COL27A1: variants seen among roughly 807,000 people sequenced by gnomAD.
The protein encoded by COL27A1 is collagen type XXVII alpha 1 chain, also known as collagen alpha-1(XXVII) chain.
In COL27A1, 106 loss-of-function variants were observed where a neutral mutation model predicts 251.3. The ratio of observed to expected loss-of-function variants is 0.42; its 90% CI spans 0.36 to 0.50. The LOEUF (loss-of-function observed/expected upper bound fraction) is 0.50, where lower values mean the gene tolerates loss of function less well. Ranked by LOEUF, COL27A1 falls within the 20% of genes least tolerant of loss-of-function variation. The pLI, the probability that COL27A1 is intolerant of heterozygous loss-of-function variation, is 0.00. For missense variants in COL27A1, 2,325 were observed against 2,522.8 expected (o/e 0.92, Z 1.68); for synonymous variants, 1,000 against 986.3 (o/e 1.01, Z -0.26).
chr9:114,293,004 G>T (rs1564579630), intron 49 of COL27A1, among the ~76,000 whole-genome samples: 1 of 152,132 alleles, frequency 6.6e-6, no homozygotes, highest in South Asian at 2.1e-4. Flanking sequence ...TATACTCAAG[G>T]ATTTCAATAT....
intron 3 of COL27A1, among the ~76,000 whole-genome samples, chr9:114,171,469 CTTT>C (rs10708471): frequency 1.4e-5 from 2 of 147,496 alleles, no homozygotes; most frequent in African/African-American, 5.0e-5. Context: ...GAATCTTTTT[CTTT>C]TTTTTTTTAG....
chr9:114,178,541 C>T lies in COL27A1; in HGVS notation c.1962+197C>T, dbSNP rs201890855. ...TATGGACAGATATGGCATGGAACAGCAATGACCTCTTGTAGGTCTCAGTTG... is the reference window on the plus strand; with the variant it reads ...TATGGACAGATATGGCATGGAACAGTAATGACCTCTTGTAGGTCTCAGTTG... On this transcript the variant is annotated intron_variant, in intron 4 of 60. Coordinates refer to ENST00000356083, the MANE Select transcript of COL27A1 (RefSeq NM_032888.4). Among the ~76,000 whole-genome samples the T allele has an allele frequency of 2.6e-5, 4 of 152,284 alleles. No homozygotes were observed. In the East Asian group the frequency reaches 5.8e-4, roughly 22 times the overall value.
At chr9:114,263,829 G>A (rs114163669) in intron 28 of COL27A1, among the ~76,000 whole-genome samples, 1,777 of 152,266 alleles carry the variant, frequency 0.012, 24 homozygotes, top group African/African-American at 0.04. Flanking sequence ...CTTCCTCTGT[G>A]AGCTGGGCTG....
At chr9:114,164,715 G>A (rs1047855592) in intron 2 of COL27A1, among the ~76,000 whole-genome samples, 1 of 152,188 alleles carries the variant, frequency 6.6e-6, no homozygotes, top group Admixed American at 6.5e-5. Flanking sequence ...AGTCTATAGT[G>A]AATAATAGTG....
intron 12 of COL27A1, among the ~76,000 whole-genome samples, chr9:114,217,322 T>A (rs1373962457): frequency 6.6e-6 from 1 of 152,194 alleles, no homozygotes; most frequent in Non-Finnish European, 1.5e-5. Flanking sequence ...ACCCTTCATG[T>A]GGCATCTCAG....
At chr9:114,223,170 A>G (rs775981592) in intron 14 of COL27A1, among the ~76,000 whole-genome samples, 27 of 152,144 alleles carry the variant, frequency 1.8e-4, no homozygotes, top group Non-Finnish European at 2.6e-4. Flanking sequence ...AGCCTGGGAA[A>G]TGACACTCCA....
At chr9:114,231,177 G>A (rs1398615874) in intron 15 of COL27A1, 45 bp downstream of exon 15, 1 of 1,581,816 alleles carries the variant, frequency 6.3e-7, no homozygotes, top group East Asian at 2.2e-5. Flanking sequence ...TCCAAGCTGG[G>A]CACCCCCGAC....
intron 6 of COL27A1, among the ~76,000 whole-genome samples, chr9:114,194,843 C>T (rs1473007067): frequency 6.6e-6 from 1 of 152,216 alleles, no homozygotes; most frequent in African/African-American, 2.4e-5. Context: ...CCAATAGACA[C>T]TCAAAGCCTT....
intron 55 of COL27A1, among the ~76,000 whole-genome samples, 175 bp from the exon 56 acceptor site, chr9:114,301,907 C>T (rs565377078): frequency 6.6e-6 from 1 of 152,256 alleles, no homozygotes; most frequent in South Asian, 2.1e-4. Context: ...CACCTAGGGG[C>T]CAGGCCTCCA....
At chr9:114,286,926 C>A (rs781508087) in intron 41 of COL27A1, among the ~76,000 whole-genome samples, 5 of 152,112 alleles carry the variant, frequency 3.3e-5, no homozygotes, top group African/African-American at 7.2e-5. Context: ...CTGTGCAGAT[C>A]GGATGAAACA....
intron 33 of COL27A1, 70 bp downstream of exon 33, chr9:114,266,688 C>T (rs35380914): frequency 0.074 from 102,006 of 1,380,998 alleles, 4,774 homozygotes; most frequent in East Asian, 0.18. Context: ...CTTCCCTCCT[C>T]CCCAGGAGCC....
At chr9:114,176,912 T>C (rs748495795) in intron 3 of COL27A1, among the ~76,000 whole-genome samples, 1 of 152,222 alleles carries the variant, frequency 6.6e-6, no homozygotes, top group Non-Finnish European at 1.5e-5. Flanking sequence ...GCATGAGATC[T>C]GGATTAATTA....
At chr9:114,194,572 T>C (rs1828976923) in intron 6 of COL27A1, 115 bp downstream of exon 6, 6 of 904,670 alleles carry the variant, frequency 6.6e-6, no homozygotes, top group Non-Finnish European at 1.1e-5. Context: ...GGCAGGGAGG[T>C]GGGAACATCT....
At position 114,275,779 on chromosome 9, in the gene COL27A1, A is replaced by C; in HGVS notation, c.3717+11A>C. ...GTCACTGGTGTCCGGGTGAGTGTGC[A>C]GGCCCCTTGCAGCGCCTGGAGCTCT... is the stretch of plus-strand genomic sequence containing the variant. On this transcript the variant is annotated intron_variant, in intron 37 of 60. Transcript: ENST00000356083. The C allele has an allele frequency of 6.6e-7, 1 of 1,524,006 alleles. No homozygotes were observed. The highest frequency in any genetic ancestry group is 2.5e-5 in the East Asian group (1 of 40,562). 94.4% of individuals were successfully genotyped at this position (1,524,006 alleles called of 1,614,324 possible).
At chr9:114,171,410 C>T (rs1849313375) in intron 3 of COL27A1, among the ~76,000 whole-genome samples, 1 of 152,130 alleles carries the variant, frequency 6.6e-6, no homozygotes, top group Admixed American at 6.6e-5. Context: ...GGGCTTCAGA[C>T]AGGAGTCACT....
intron 5 of COL27A1, among the ~76,000 whole-genome samples, chr9:114,188,152 C>T (rs1165013178): frequency 6.6e-6 from 1 of 152,242 alleles, no homozygotes; most frequent in Non-Finnish European, 1.5e-5. Context: ...AGTGTGCTGA[C>T]AGTAACGGTT....
chr9:114,195,495 G>A (rs1829053170), intron 6 of COL27A1, among the ~76,000 whole-genome samples: 1 of 152,300 alleles, frequency 6.6e-6, no homozygotes, highest in Non-Finnish European at 1.5e-5. Flanking sequence ...GCACCCAGGA[G>A]CCCAGGCTTC....
At chr9:114,293,970 G>A (rs532935737) in intron 49 of COL27A1, among the ~76,000 whole-genome samples, 1 of 152,168 alleles carries the variant, frequency 6.6e-6, no homozygotes, top group Non-Finnish European at 1.5e-5. Flanking sequence ...TGGGCGCGGT[G>A]GCTTACGCCT....
chr9:114,258,433 C>A, intron 27 of COL27A1, 108 bp from the exon 28 acceptor site: 2 of 1,116,476 alleles, frequency 1.8e-6, no homozygotes, highest in Non-Finnish European at 2.6e-6. Flanking sequence ...TCTGAACATG[C>A]CCGTCTGAGG....
Sources: allele counts gnomAD v4.1 joint callset (sites outside exome capture counted in the v4.1 genomes callset), GRCh38; gene constraint gnomAD v4.1.1; transcripts MANE v1.5; gene names NCBI Gene and HGNC (gene_info 2026-07-23, HGNC 2026-07-21).